The following ATP9A variants were observed in gnomAD, a reference collection of about 807,000 sequenced individuals.
ATP9A encodes the protein ATPase phospholipid transporting 9A.
A neutral mutation model predicts 144.1 loss-of-function variants in ATP9A; 52 were observed. The ratio of observed to expected loss-of-function variants is 0.36; its 90% CI spans 0.29 to 0.45. The LOEUF is 0.45. ATP9A is among the 20% of genes least tolerant of loss of function. The pLI is 1.00. For missense variants in ATP9A, 947 were observed against 1,392.7 expected, an observed-to-expected ratio of 0.68 and a Z score of 5.09; for synonymous variants, 582 against 557.4, an observed-to-expected ratio of 1.04 and a Z score of -0.62.
At chr20:51,753,347 A>AGGCGGAGGCAGG (rs2077840869) in intron 1 of ATP9A, among the ~76,000 whole-genome samples, 1 of 152,092 alleles carries the variant, frequency 6.6e-6, no homozygotes, top group African/African-American at 2.4e-5. Flanking sequence ...TGGGAGGCAG[A>AGGCGGAGGCAGG]GGCGGAGGCA....
In ATP9A at chr20:51,638,669, C is replaced by A. The variant is rs937885286; in HGVS notation, c.1668+674G>T. Among the ~76,000 whole-genome samples, 3 of 152,160 alleles carry A rather than the reference C, an allele frequency of 2.0e-5. No homozygotes were observed. The East Asian group carries it at 5.8e-4, about 29-fold the overall frequency. On this transcript the variant is annotated intron_variant, in intron 15 of 27. Coordinates refer to ENST00000338821, the MANE Select transcript of ATP9A (RefSeq NM_006045.3). ...GTTGAGGCCAGGAGTTTGAGACCAGCCTGGGCAGCACAGTGAAACCCTGTA... is the reference window on the plus strand; with the variant it reads ...GTTGAGGCCAGGAGTTTGAGACCAGACTGGGCAGCACAGTGAAACCCTGTA...
At chr20:51,643,780 T>G (rs556631092) in intron 14 of ATP9A, among the ~76,000 whole-genome samples, 1 of 152,308 alleles carries the variant, frequency 6.6e-6, no homozygotes, top group Non-Finnish European at 1.5e-5. Flanking sequence ...TAGCCCTGTT[T>G]TGTCTGCTAA....
In ATP9A at chr20:51,613,797, G is replaced by A; in HGVS notation, c.2451C>T (p.Ser817=). The A allele has an allele frequency of 6.2e-7, 1 of 1,613,812 alleles. No individual in the cohort carries two copies. The highest frequency in any genetic ancestry group is 8.5e-7 in the Non-Finnish European group (1 of 1,179,900). ...GGCCAAGATGCTTAAATTGAGTGAT[G>A]GAGAAGTCTGCAGCCAACGAAGCCT... The part of the protein sequence containing the change: ...GKQASLAADF[S]ITQFKHLGRL... The change falls in exon 23 of 28, where the codon TCC becomes TCT. Residue 817 remains serine (S), a synonymous_variant. Transcript: ENST00000338821.
intron 13 of ATP9A, among the ~76,000 whole-genome samples, chr20:51,662,275 T>C (rs189983363): frequency 6.4e-4 from 97 of 152,278 alleles, no homozygotes; most frequent in Non-Finnish European, 2.5e-4. Context: ...GCGCCAGGTG[T>C]GGTGGCTCAC....
chr20:51,690,874 C>G (rs2077545751), intron 7 of ATP9A, 55 bp from the exon 8 acceptor site: 2 of 1,373,320 alleles, frequency 1.5e-6, no homozygotes, highest in South Asian at 1.2e-5. Flanking sequence ...TGCAAGACTT[C>G]AGGAGGCATC....
intron 8 of ATP9A, among the ~76,000 whole-genome samples, chr20:51,690,356 C>T (rs2077542918): frequency 6.6e-6 from 1 of 151,834 alleles, no homozygotes; most frequent in South Asian, 2.1e-4. Context: ...GGAGACGGAG[C>T]CTGCAGTGAG....
At chr20:51,696,223 A>C in intron 5 of ATP9A, 79 bp from the exon 6 acceptor site, 6 of 1,291,960 alleles carry the variant, frequency 4.6e-6, no homozygotes, top group Non-Finnish European at 6.7e-6. Flanking sequence ...TTCCGCCCCC[A>C]CCCCCAACCC....
intron 19 of ATP9A, among the ~76,000 whole-genome samples, chr20:51,620,177 C>T (rs138567134): frequency 0.015 from 2,300 of 152,306 alleles, 26 homozygotes; most frequent in African/African-American, 0.028. Flanking sequence ...ATCACAACCA[C>T]TCAGCTCTGC....
intron 22 of ATP9A, among the ~76,000 whole-genome samples, chr20:51,614,247 T>A (rs973336731): frequency 3.3e-5 from 5 of 152,204 alleles, no homozygotes; most frequent in African/African-American, 1.2e-4. Context: ...CTCACAGAAG[T>A]GGGAATAACT....
Position 51,710,472 on chromosome 20 carries a change from T to C in ATP9A, c.436+2494A>G, listed in dbSNP as rs371572004. On this transcript the variant is annotated intron_variant, in intron 4 of 27. Coordinates refer to ENST00000338821, the MANE Select transcript of ATP9A (RefSeq NM_006045.3). ...ACAGGAAAGTCAAAAAAGGCTTCTT[T>C]TTCTCCCTCTTCCCTGCAATCTCCC... 1.1e-4 allele frequency among the ~76,000 whole-genome samples: 16 copies of C among 152,276 alleles called. 2 individuals carry two copies. The highest frequency in any genetic ancestry group is 2.0e-4 in the Admixed American group (3 of 15,288).
intron 1 of ATP9A, among the ~76,000 whole-genome samples, chr20:51,753,647 C>T (rs1342945318): frequency 6.7e-6 from 1 of 149,992 alleles, no homozygotes; most frequent in Non-Finnish European, 1.5e-5. Context: ...TCTCTGTTCT[C>T]TCATTTTTCT....
At chr20:51,606,803 G>A (rs2077165433) in intron 26 of ATP9A, among the ~76,000 whole-genome samples, 1 of 152,006 alleles carries the variant, frequency 6.6e-6, no homozygotes, top group African/African-American at 2.4e-5. Context: ...CCTGAGCCTG[G>A]GGAGGTCGAG....
intron 13 of ATP9A, among the ~76,000 whole-genome samples, chr20:51,663,204 G>T (rs902140952): frequency 2.6e-5 from 4 of 152,218 alleles, no homozygotes. Context: ...AGTTAAAAAA[G>T]AAAGGAATAT....
At chr20:51,716,490 G>GGA (rs1555840300) in intron 3 of ATP9A, among the ~76,000 whole-genome samples, 5 of 137,828 alleles carry the variant, frequency 3.6e-5, no homozygotes, top group Admixed American at 7.4e-5. Flanking sequence ...ACCTGAAACA[G>GGA]AAAAAAAAAA....
At chr20:51,700,976 T>A (rs2077591032) in intron 4 of ATP9A, among the ~76,000 whole-genome samples, 2 of 152,170 alleles carry the variant, frequency 1.3e-5, no homozygotes, top group Non-Finnish European at 2.9e-5. Flanking sequence ...CTGTCGTTTT[T>A]CTGGGAGCTC....
intron 1 of ATP9A, among the ~76,000 whole-genome samples, chr20:51,746,247 T>C (rs1290287841): frequency 6.6e-6 from 1 of 152,206 alleles, no homozygotes; most frequent in Admixed American, 6.5e-5. Flanking sequence ...AATACCTGGG[T>C]ACAGCAAACC....
chr20:51,601,409 C>T (rs1048954776), intron 27 of ATP9A, 62 bp from the exon 28 acceptor site: 74 of 1,477,490 alleles, frequency 5.0e-5, no homozygotes, highest in Non-Finnish European at 3.7e-5. Flanking sequence ...TGCATGGGGT[C>T]CAGAAACAGG....
intron 1 of ATP9A, among the ~76,000 whole-genome samples, chr20:51,730,195 G>A (rs977853814): frequency 4.6e-5 from 7 of 152,082 alleles, no homozygotes; most frequent in South Asian, 2.1e-4. Context: ...CTGGCCAGGC[G>A]CGGTGGCTCA....
At chr20:51,714,185 CTTTT>C (rs1170122408) in intron 3 of ATP9A, among the ~76,000 whole-genome samples, 2 of 148,122 alleles carry the variant, frequency 1.4e-5, no homozygotes, top group African/African-American at 5.0e-5. Flanking sequence ...GATTACAGGG[CTTTT>C]TTGTTTGTTT....
Sources: gnomAD v4.1 joint callset for allele counts (sites outside exome capture counted in the v4.1 genomes callset) on GRCh38, gnomAD v4.1.1 for gene constraint, MANE v1.5 for transcripts, NCBI Gene and HGNC (gene_info 2026-07-23, HGNC 2026-07-21) for gene names.